Variants in NEGR1 observed in about 807,000 individuals in gnomAD.
NEGR1 encodes the protein neuronal growth regulator 1.
NEGR1 carries 10 observed loss-of-function variants against 40.9 expected under a neutral mutation model. The ratio of observed to expected loss-of-function variants is 0.24; its 90% CI spans 0.15 to 0.42. The LOEUF (loss-of-function observed/expected upper bound fraction) is 0.42, where lower values mean the gene tolerates loss of function less well. Among genes scored for constraint, NEGR1 ranks in the 10% least tolerant of loss-of-function variants. The probability of loss-of-function intolerance (pLI) is 1.00; values close to 1 mark genes in which losing one functional copy is unlikely to be tolerated. For synonymous variants in NEGR1, 185 were observed against 166.8 expected (o/e 1.11, Z -0.84); for missense variants, 352 against 438.9 (o/e 0.80, Z 1.77).
intron 2 of NEGR1, among the ~76,000 whole-genome samples, chr1:71,842,556 G>A (rs1043775088): frequency 2.0e-5 from 3 of 152,218 alleles, no homozygotes; most frequent in Admixed American, 1.3e-4. Flanking sequence ...ATGGAGAAAT[G>A]TCTTCATCTA....
intron 1 of NEGR1, among the ~76,000 whole-genome samples, chr1:71,976,547 G>T (rs1160242436): frequency 6.6e-6 from 1 of 152,134 alleles, no homozygotes; most frequent in Non-Finnish European, 1.5e-5. Flanking sequence ...CCGGCTATAG[G>T]AGCTGGCAGA....
At chr1:72,093,114 C>T (rs1230474359) in intron 1 of NEGR1, among the ~76,000 whole-genome samples, 6 of 151,940 alleles carry the variant, frequency 3.9e-5, no homozygotes, top group African/African-American at 9.7e-5. Flanking sequence ...AGGCAGATCA[C>T]GAGGTCAGGA....
intron 1 of NEGR1, among the ~76,000 whole-genome samples, chr1:72,126,265 C>T (rs76119123): frequency 3.3e-3 from 502 of 152,078 alleles, no homozygotes; most frequent in African/African-American, 0.011. Context: ...ACTCCAAGAA[C>T]ATCTTTTTGC....
At chr1:71,526,992 C>T (rs1467752278) in intron 6 of NEGR1, among the ~76,000 whole-genome samples, 1 of 151,564 alleles carries the variant, frequency 6.6e-6, no homozygotes. Context: ...AACTGTTTGT[C>T]TAGAATGGCT....
chr1:72,273,986 C>T (rs1202561765), intron 1 of NEGR1, among the ~76,000 whole-genome samples: 2 of 148,642 alleles, frequency 1.3e-5, no homozygotes, highest in African/African-American at 4.9e-5. Flanking sequence ...TACAAACCCA[C>T]GTGTTGTTCT....
intron 6 of NEGR1, among the ~76,000 whole-genome samples, chr1:71,417,841 C>T (rs560761996): frequency 3.9e-5 from 6 of 152,076 alleles, no homozygotes; most frequent in African/African-American, 1.4e-4. Context: ...CAATGTAAGC[C>T]CTACCTTGGC....
chr1:71,479,358 C>A (rs896769251), intron 6 of NEGR1, among the ~76,000 whole-genome samples: 1 of 151,984 alleles, frequency 6.6e-6, no homozygotes, highest in Non-Finnish European at 1.5e-5. Context: ...CAGCAATACC[C>A]TGACAGGGGA....
At position 71,401,536 on chromosome 1, in the gene NEGR1, C is replaced by A. The variant is rs187650688; in HGVS notation, c.*5910G>T. The A allele has an allele frequency of 2.0e-5, 3 of 152,234 alleles. No homozygotes were observed. The East Asian group carries it at 5.8e-4, about 29-fold the overall frequency. The allele number at this position is 152,234 out of a possible 1,614,324, so 9.4% of individuals were successfully genotyped here. Reference sequence around the variant, plus strand: ...CAAATGTATTTCTTAGGTTGCATATCATTTAATTTCTAGAATTAGAATCTT... The same window carrying A: ...CAAATGTATTTCTTAGGTTGCATATAATTTAATTTCTAGAATTAGAATCTT... On this transcript the variant is annotated 3_prime_UTR_variant, in exon 7 of 7. Transcript: ENST00000357731.
At chr1:71,637,871 C>G (rs1651211066) in intron 4 of NEGR1, among the ~76,000 whole-genome samples, 1 of 151,928 alleles carries the variant, frequency 6.6e-6, no homozygotes. Context: ...CATAGAGTCC[C>G]TATCTGAACA....
chr1:71,916,079 G>C (rs1235842712), intron 2 of NEGR1, among the ~76,000 whole-genome samples: 3 of 152,124 alleles, frequency 2.0e-5, no homozygotes, highest in African/African-American at 7.2e-5. Flanking sequence ...GGGCAAAAGA[G>C]AGAAGAGAGG....
intron 1 of NEGR1, among the ~76,000 whole-genome samples, chr1:72,226,421 CT>C (rs1485028762): frequency 6.6e-6 from 1 of 151,926 alleles, no homozygotes; most frequent in East Asian, 1.9e-4. Flanking sequence ...GGACATATAC[CT>C]ACTTTCTGAA....
At chr1:71,471,218 G>A (rs751126530) in intron 6 of NEGR1, among the ~76,000 whole-genome samples, 17 of 152,096 alleles carry the variant, frequency 1.1e-4, no homozygotes, top group Non-Finnish European at 1.9e-4. Flanking sequence ...GAACACATCA[G>A]CTCTTCAGTA....
intron 3 of NEGR1, among the ~76,000 whole-genome samples, chr1:71,744,505 C>A (rs957577715): frequency 6.6e-6 from 1 of 151,832 alleles, no homozygotes; most frequent in African/African-American, 2.4e-5. Context: ...TTTCATGGAG[C>A]CAATAAAAAG....
At chr1:72,001,788 T>C (rs1646559611) in intron 1 of NEGR1, among the ~76,000 whole-genome samples, 1 of 151,770 alleles carries the variant, frequency 6.6e-6, no homozygotes, top group Non-Finnish European at 1.5e-5. Context: ...TGATTGCCAA[T>C]ACAATGTGCT....
chr1:71,800,623 C>T (rs771888595), intron 2 of NEGR1, among the ~76,000 whole-genome samples: 2 of 152,120 alleles, frequency 1.3e-5, no homozygotes, highest in Admixed American at 6.6e-5. Context: ...AAATTATTTG[C>T]TTTCTTTCCA....
At chr1:72,158,735 C>A (rs149129722) in intron 1 of NEGR1, among the ~76,000 whole-genome samples, 1 of 152,102 alleles carries the variant, frequency 6.6e-6, no homozygotes, top group South Asian at 2.1e-4. Flanking sequence ...ACAATTTGTA[C>A]AATAAACTGA....
chr1:72,039,419 T>C lies in NEGR1; in HGVS notation c.177-104108A>G, dbSNP rs182146739. Among the ~76,000 whole-genome samples, 391 of 152,002 alleles carry C rather than the reference T, an allele frequency of 2.6e-3. 1 individual carries two copies. The highest frequency in any genetic ancestry group is 6.8e-3 in the South Asian group (33 of 4,826). On this transcript the variant is annotated intron_variant, in intron 1 of 6. Transcript: ENST00000357731. ...AGAGAAAAGACCCTGCTAGTAACAA[T>C]AGACAAGTAAGCAGGAGAACATGTA...
chr1:71,945,278 T>A (rs1413197028), intron 1 of NEGR1, among the ~76,000 whole-genome samples: 1 of 152,126 alleles, frequency 6.6e-6, no homozygotes, highest in Non-Finnish European at 1.5e-5. Context: ...ATTAATTAGT[T>A]TGTTTAACTT....
At chr1:72,204,714 AT>A (rs71586978) in intron 1 of NEGR1, among the ~76,000 whole-genome samples, 19,592 of 152,214 alleles carry the variant, frequency 0.13, 1,649 homozygotes, top group Non-Finnish European at 0.19. Context: ...AGCCTTAAAT[AT>A]AAATAATATA....
Sources: allele counts gnomAD v4.1 joint callset (sites outside exome capture counted in the v4.1 genomes callset), GRCh38; gene constraint gnomAD v4.1.1; transcripts MANE v1.5; gene names NCBI Gene and HGNC (gene_info 2026-07-23, HGNC 2026-07-21).